The following EEF1E1 variants were observed in gnomAD, a reference collection of about 807,000 sequenced individuals.
EEF1E1 encodes eukaryotic translation elongation factor 1 epsilon-1.
In EEF1E1, 19 loss-of-function variants were observed where a neutral mutation model predicts 19.9. The ratio of observed to expected loss-of-function variants is 0.95; its 90% CI spans 0.66 to 1.40. EEF1E1 has a LOEUF of 1.40. Ranked by LOEUF, EEF1E1 falls within the 40% of genes most tolerant of loss-of-function variation. The pLI is 0.00. For missense variants in EEF1E1, 198 were observed against 202.2 expected (o/e 0.98, Z 0.13); for synonymous variants, 81 against 80.0 (o/e 1.01, Z -0.07).
chr6:8,102,378 C>A, intron 1 of EEF1E1, 57 bp downstream of exon 1: 3 of 1,550,690 alleles, frequency 1.9e-6, no homozygotes, highest in South Asian at 1.2e-5. Context: ...CCTGCCAGGG[C>A]TCGGCAGGCC....
intron 3 of EEF1E1, among the ~76,000 whole-genome samples, chr6:8,086,001 C>G (rs1254179905): frequency 2.0e-5 from 3 of 152,130 alleles, no homozygotes; most frequent in African/African-American, 2.4e-5. Context: ...AGTGGGCATA[C>G]ACAGTGGGCT....
chr6:8,088,761 G>A (rs1007056427), intron 3 of EEF1E1, among the ~76,000 whole-genome samples: 1 of 152,192 alleles, frequency 6.6e-6, no homozygotes, highest in Admixed American at 6.5e-5. Flanking sequence ...ACCAGGAAAA[G>A]GAGACAAGAT....
intron 2 of EEF1E1, among the ~76,000 whole-genome samples, chr6:8,091,685 T>G (rs951164739): frequency 3.9e-5 from 6 of 152,240 alleles, no homozygotes. Context: ...CATTGAATTA[T>G]AGTCAATTAA....
intron 2 of EEF1E1, among the ~76,000 whole-genome samples, chr6:8,092,778 GTATT>G (rs982765734): frequency 5.4e-5 from 8 of 149,496 alleles, no homozygotes; most frequent in Non-Finnish European, 1.2e-4. Context: ...ATTTCAAGAA[GTATT>G]TAAAGACCTG....
intron 2 of EEF1E1, among the ~76,000 whole-genome samples, chr6:8,092,529 A>G (rs1758040876): frequency 6.6e-6 from 1 of 152,224 alleles, no homozygotes; most frequent in African/African-American, 2.4e-5. Context: ...AAGGTGGTAC[A>G]GATAAGAACA....
intron 2 of EEF1E1, among the ~76,000 whole-genome samples, chr6:8,094,008 A>G (rs140839719): frequency 0.06 from 9,185 of 152,062 alleles, 376 homozygotes; most frequent in Non-Finnish European, 0.088. Context: ...CATGTTGGCC[A>G]GGCTGATCTC....
intron 3 of EEF1E1, among the ~76,000 whole-genome samples, chr6:8,088,246 C>T (rs1171175387): frequency 6.6e-6 from 1 of 151,358 alleles, no homozygotes; most frequent in East Asian, 1.9e-4. Flanking sequence ...AGGTAGTGGA[C>T]AAGATTGAAG....
chr6:8,090,638 C>A (rs1472560812), intron 2 of EEF1E1, among the ~76,000 whole-genome samples: 2 of 152,192 alleles, frequency 1.3e-5, no homozygotes, highest in African/African-American at 2.4e-5. Context: ...AATTCCCCAA[C>A]AATTTCAATC....
At chr6:8,085,126 TA>T (rs539599804) in intron 3 of EEF1E1, among the ~76,000 whole-genome samples, 34 of 152,110 alleles carry the variant, frequency 2.2e-4, no homozygotes, top group Admixed American at 6.6e-4. Flanking sequence ...GAACTATAAA[TA>T]GGTACCAGTT....
intron 2 of EEF1E1, 30 bp downstream of exon 2, chr6:8,097,237 C>T: frequency 4.4e-6 from 7 of 1,597,398 alleles, no homozygotes; most frequent in Non-Finnish European, 6.0e-6. Context: ...ACAGTTCATG[C>T]ATTTCAGCCT....
downstream of EEF1E1, chr6:8,078,586 C>A: frequency 9.2e-7 from 1 of 1,083,006 alleles, no homozygotes; most frequent in South Asian, 2.0e-5. Flanking sequence ...TTGCCACAAA[C>A]CTTCCATGTG....
intron 3 of EEF1E1, among the ~76,000 whole-genome samples, chr6:8,084,721 C>T (rs558194932): frequency 1.3e-5 from 2 of 152,226 alleles, no homozygotes; most frequent in Non-Finnish European, 2.9e-5. Flanking sequence ...ATATATATTT[C>T]GTAAAAAGCC....
At chr6:8,098,000 T>G (rs1473871449) in intron 1 of EEF1E1, among the ~76,000 whole-genome samples, 1 of 152,094 alleles carries the variant, frequency 6.6e-6, no homozygotes, top group East Asian at 1.9e-4. Flanking sequence ...TATTACCTAA[T>G]GGGAAGACTG....
intron 3 of EEF1E1, among the ~76,000 whole-genome samples, chr6:8,089,567 G>GT (rs1214662206): frequency 1.3e-5 from 2 of 152,194 alleles, no homozygotes; most frequent in African/African-American, 4.8e-5. Flanking sequence ...CCTGCTTTAT[G>GT]TTTGCTGGCA....
intron 2 of EEF1E1, chr6:8,095,502 C>CA: frequency 5.6e-6 from 1 of 179,952 alleles, no homozygotes; most frequent in Non-Finnish European, 1.2e-5. Flanking sequence ...GAACCTGTGA[C>CA]AAAAAAATAA....
intron 3 of EEF1E1, among the ~76,000 whole-genome samples, chr6:8,085,350 G>A (rs1460765286): frequency 1.3e-5 from 2 of 150,644 alleles, no homozygotes; most frequent in Non-Finnish European, 3.0e-5. Flanking sequence ...GACGGGTTTT[G>A]CCCTGTTGCC....
intron 3 of EEF1E1, among the ~76,000 whole-genome samples, chr6:8,083,959 T>C (rs1436677186): frequency 6.6e-6 from 1 of 152,178 alleles, no homozygotes; most frequent in Non-Finnish European, 1.5e-5. Flanking sequence ...AATTCTGCCA[T>C]TGTGTAGGTT....
chr6:8,095,834 T>G (rs184425850), intron 2 of EEF1E1, among the ~76,000 whole-genome samples: 15 of 152,318 alleles, frequency 9.8e-5, no homozygotes, highest in Admixed American at 7.2e-4. Context: ...CATCTGTGCA[T>G]GTGGCCAAAA....
intron 1 of EEF1E1, among the ~76,000 whole-genome samples, chr6:8,101,244 ATATAT>A (rs1369492729): frequency 0.01 from 430 of 41,574 alleles, 24 homozygotes; most frequent in South Asian, 0.014. Flanking sequence ...AAAAAAAAAA[ATATAT>A]ATATATATAT....
Sources: gnomAD v4.1 joint callset for allele counts (sites outside exome capture counted in the v4.1 genomes callset) on GRCh38, gnomAD v4.1.1 for gene constraint, MANE v1.5 for transcripts, NCBI Gene and HGNC (gene_info 2026-07-23, HGNC 2026-07-21) for gene names.